Variants in FASTKD5 observed in about 807,000 individuals in gnomAD.
The protein encoded by FASTKD5 is FAST kinase domains 5, also known as non-canonical pre-mRNAs endonuclease FASTKD5, mitochondrial.
FASTKD5 carries 30 observed loss-of-function variants against 44.0 expected under a neutral mutation model. The observed-to-expected ratio is 0.68, with a 90% CI of 0.51 to 0.93. The LOEUF (loss-of-function observed/expected upper bound fraction) is 0.93, where lower values mean the gene tolerates loss of function less well. FASTKD5 is among the 40% of genes least tolerant of loss of function. FASTKD5 has a pLI of 0.00. For missense variants in FASTKD5, 868 were observed against 908.2 expected, an observed-to-expected ratio of 0.96 and a Z score of 0.57; for synonymous variants, 335 against 342.2, an observed-to-expected ratio of 0.98 and a Z score of 0.23.
rs1359067532 is a variant in FASTKD5, at chr20:3,146,983, C to A, written c.2088G>T (p.Lys696Asn). The A allele has an allele frequency of 1.9e-6, 3 of 1,614,188 alleles. No individual in the cohort carries two copies. Among genetic ancestry groups the A allele is most frequent in the African/African-American group, 2.7e-5 (2 of 75,054 alleles). Residue 696 changes from lysine to asparagine, a missense_variant, in exon 2 of 2, where the codon AAG (lysine) becomes AAT (asparagine). Lys to Asn is a moderately conservative substitution (Grantham distance 94). Transcript: ENST00000380266. Reference protein sequence around the residue: ...PAACMQTPRMKLAVQFTNRNQ... With the variant: ...PAACMQTPRMNLAVQFTNRNQ... ...TCCTGTTTGTGAACTGAACAGCCAG[C>A]TTCATTCTTGGGGTCTGCATGCAGG... is the stretch of plus-strand genomic sequence containing the variant.
In FASTKD5 at chr20:3,148,982, T is replaced by TA; in HGVS notation, c.88dup (p.Tyr30LeufsTer19). 1 of 1,614,202 alleles carries TA rather than the reference T, an allele frequency of 6.2e-7. No homozygotes were observed. Among genetic ancestry groups the TA allele is most frequent in the Non-Finnish European group, 8.5e-7 (1 of 1,180,040 alleles). ...ATGCTGTGTGCTGCTCACATTCCAG[T>TA]ATGACACACTTCGGACTGCACCAAA... On this transcript the variant is annotated frameshift_variant, in exon 2 of 2. Coordinates refer to ENST00000380266, the MANE Select transcript of FASTKD5 (RefSeq NM_021826.5). LOFTEE classifies it high-confidence loss of function.
At chr20:3,159,091 G>A (rs1314003276) in intron 1 of FASTKD5, among the ~76,000 whole-genome samples, 1 of 152,168 alleles carries the variant, frequency 6.6e-6, no homozygotes, top group Non-Finnish European at 1.5e-5. Flanking sequence ...AGTCAAGACA[G>A]AAGAGCTGTG....
chr20:3,157,736 T>G (rs918161327), intron 1 of FASTKD5, among the ~76,000 whole-genome samples: 1 of 152,246 alleles, frequency 6.6e-6, no homozygotes, highest in Non-Finnish European at 1.5e-5. Context: ...AGTAGCTGCA[T>G]GCACACAGTC....
At chr20:3,158,911 T>G (rs1479346150) in intron 1 of FASTKD5, among the ~76,000 whole-genome samples, 3 of 152,178 alleles carry the variant, frequency 2.0e-5, no homozygotes, top group African/African-American at 4.8e-5. Context: ...AAACGTGAAT[T>G]CAGATTCCAG....
rs1278921395 is a variant in FASTKD5, at chr20:3,149,919, T to C, written c.-190-659A>G. Among the ~76,000 whole-genome samples the C allele has an allele frequency of 6.6e-6, 1 of 150,956 alleles. No homozygotes were observed. The highest frequency in any genetic ancestry group is 1.5e-5 in the Non-Finnish European group (1 of 67,930). On this transcript the variant is annotated intron_variant, in intron 1 of 1. Transcript: ENST00000380266. This position sits in a 1 kb window ranked among gnomAD's most constrained non-coding sequence, Gnocchi z 4.1. ...CTGTAATCCCAGCTACTCAGGAGGCTGAGGCAGGAGAATCCCTTGAACCCA... is the reference window on the plus strand; with the variant it reads ...CTGTAATCCCAGCTACTCAGGAGGCCGAGGCAGGAGAATCCCTTGAACCCA...
chr20:3,148,284 T>G lies in FASTKD5; in HGVS notation c.787A>C (p.Asn263His), dbSNP rs1035069858. The change falls in exon 2 of 2, where the codon AAC becomes CAC. Residue 263 changes from asparagine to histidine, a missense_variant. Transcript: ENST00000380266. ...YLGRKVPRFL[N>H]IFSSYLNLHW... Reference sequence around the variant, plus strand: ...AAATTAAGATAACTAGAAAAAATGTTTAAAAACCTAGGTACTTTGCGGCCT... The same window carrying G: ...AAATTAAGATAACTAGAAAAAATGTGTAAAAACCTAGGTACTTTGCGGCCT... 2.5e-6 allele frequency: 4 copies of G among 1,611,522 alleles called. No homozygotes were observed. Among genetic ancestry groups the G allele is most frequent in the Non-Finnish European group, 3.4e-6 (4 of 1,179,482 alleles).
Position 3,148,275 on chromosome 20 carries a change from A to G in FASTKD5, c.796T>C (p.Ser266Pro), listed in dbSNP as rs2066589313. 7 of 1,611,410 alleles carry G rather than the reference A, an allele frequency of 4.3e-6. No individual in the cohort carries two copies. Among genetic ancestry groups the G allele is most frequent in the Non-Finnish European group, 4.2e-6 (5 of 1,179,448 alleles). ...TTCCAGTGCAAATTAAGATAACTAG[A>G]AAAAATGTTTAAAAACCTAGGTACT... ...RKVPRFLNIF[S>P]SYLNLHWKDL... Residue 266 changes from serine to proline, a missense_variant, in exon 2 of 2, where the codon TCT (serine) becomes CCT (proline). Physicochemically the swap from Ser to Pro is moderately conservative, Grantham distance 74. Coordinates refer to ENST00000380266, the MANE Select transcript of FASTKD5 (RefSeq NM_021826.5).
intron 1 of FASTKD5, among the ~76,000 whole-genome samples, chr20:3,150,129 T>C (rs1360912053): frequency 2.6e-5 from 4 of 152,328 alleles, no homozygotes; most frequent in Non-Finnish European, 2.9e-5. Flanking sequence ...GTTCTTTTAC[T>C]TTTTAGAAGA....
Position 3,147,463 on chromosome 20 carries a change from G to T in FASTKD5, c.1608C>A (p.His536Gln), listed in dbSNP as rs2066577313. Residue 536 changes from histidine (H) to glutamine (Q), a missense_variant, in exon 2 of 2, where the codon CAC (histidine) becomes CAA (glutamine). Physicochemically the swap from His to Gln is conservative, Grantham distance 24. Coordinates refer to ENST00000380266, the MANE Select transcript of FASTKD5 (RefSeq NM_021826.5). ...PDYRGNRLST[H>Q]LQQEGSELLW... ...GCAATTCAGACCCCTCTTGCTGAAGGTGAGTACTAAGACGATTGCCTCTGT... is the reference window on the plus strand; with the variant it reads ...GCAATTCAGACCCCTCTTGCTGAAGTTGAGTACTAAGACGATTGCCTCTGT... 6.2e-7 allele frequency: 1 copy of T among 1,614,000 alleles called. No individual in the cohort carries two copies. Among genetic ancestry groups the T allele is most frequent in the Admixed American group, 1.7e-5 (1 of 59,980 alleles).
chr20:3,146,847 G>A lies in FASTKD5; in HGVS notation c.2224C>T (p.Pro742Ser), dbSNP rs150186586. Reference protein sequence around the residue: ...VVELSYWEWLPLLKRTRLEKL... With the variant: ...VVELSYWEWLSLLKRTRLEKL... Reference sequence around the variant, plus strand: ...TCTAAGCGAGTTCGTTTCAGTAGTGGGAGCCATTCCCAGTAGGATAACTCT... The same window carrying A: ...TCTAAGCGAGTTCGTTTCAGTAGTGAGAGCCATTCCCAGTAGGATAACTCT... The change falls in exon 2 of 2, where the codon CCA becomes TCA. Residue 742 changes from proline to serine, a missense_variant. Coordinates refer to ENST00000380266, the MANE Select transcript of FASTKD5 (RefSeq NM_021826.5). 123 of 1,614,152 alleles carry A rather than the reference G, an allele frequency of 7.6e-5. No homozygotes were observed. The African/African-American group carries it at 1.5e-3, about 19-fold the overall frequency.
rs759465086 is a variant in FASTKD5 at position 3,149,087 on chromosome 20, A to G, written c.-17T>C. ...AGCTGCCATTCTGGTGTCAGTATTG[A>G]TCTCTTTGGCAGTCAGAATACAGTC... On this transcript the variant is annotated 5_prime_UTR_variant, in exon 2 of 2. Coordinates refer to ENST00000380266, the MANE Select transcript of FASTKD5 (RefSeq NM_021826.5). This position sits in a 1 kb window ranked among gnomAD's most constrained non-coding sequence, Gnocchi z 4.1. 7 of 1,594,946 alleles carry G rather than the reference A, an allele frequency of 4.4e-6. No individual in the cohort carries two copies. Among genetic ancestry groups the G allele is most frequent in the African/African-American group, 1.3e-5 (1 of 74,376 alleles).
Position 3,147,918 on chromosome 20 carries a change from T to C in FASTKD5, c.1153A>G (p.Ile385Val). 6.2e-7 allele frequency: 1 copy of C among 1,614,196 alleles called. No homozygotes were observed. Residue 385 changes from isoleucine to valine, a missense_variant, in exon 2 of 2, where the codon ATT becomes GTT. Ile to Val is a conservative substitution (Grantham distance 29, BLOSUM62 3). Coordinates refer to ENST00000380266, the MANE Select transcript of FASTKD5 (RefSeq NM_021826.5). The part of the protein sequence containing the change: ...KQIGEIAPQR[I>V]PSLGVQGVMH... Reference sequence around the variant, plus strand: ...ACACCTTGAACTCCCAGGGAAGGAATTCGCTGAGGAGCTATCTCTCCAATC... The same window carrying C: ...ACACCTTGAACTCCCAGGGAAGGAACTCGCTGAGGAGCTATCTCTCCAATC...
In FASTKD5 at chr20:3,146,742, A is replaced by G. The variant is rs1172074780; in HGVS notation, c.*34T>C. 6.3e-7 allele frequency: 1 copy of G among 1,594,512 alleles called. No individual in the cohort carries two copies. The highest frequency in any genetic ancestry group is 8.5e-7 in the Non-Finnish European group (1 of 1,170,946). ...GCAACACCTGGTACAGTATACACCT[A>G]TAGCTTTGCCATAGAAATGCCCCTA... On this transcript the variant is annotated 3_prime_UTR_variant, in exon 2 of 2. Transcript: ENST00000380266.
Position 3,147,138 on chromosome 20 carries a change from T to C in FASTKD5, c.1933A>G (p.Lys645Glu). The change falls in exon 2 of 2, where the codon AAA (lysine) becomes GAA (glutamate). Residue 645 changes from lysine (K) to glutamate (E), a missense_variant. Transcript: ENST00000380266. Reference protein sequence around the residue: ...KGKARGHFQGKTESEPGQQPM... With the variant: ...KGKARGHFQGETESEPGQQPM... Reference sequence around the variant, plus strand: ...TGCTGCCCAGGCTCTGACTCAGTTTTGCCCTGGAAATGTCCTCTTGCTTTC... The same window carrying C: ...TGCTGCCCAGGCTCTGACTCAGTTTCGCCCTGGAAATGTCCTCTTGCTTTC... 1 of 1,613,862 alleles carries C rather than the reference T, an allele frequency of 6.2e-7. No homozygotes were observed.
chr20:3,152,100 CAAAAAAAAAAAAA>C (rs60655157), intron 1 of FASTKD5, among the ~76,000 whole-genome samples: 1 of 62,884 alleles, frequency 1.6e-5, no homozygotes, highest in African/African-American at 5.2e-5. Flanking sequence ...GACTCTGTCT[CAAAAAAAAAAAAA>C]AAAAAAAAAG....
In FASTKD5 at chr20:3,149,632, T is replaced by C. The variant is rs1037111368; in HGVS notation, c.-190-372A>G. On this transcript the variant is annotated intron_variant, in intron 1 of 1. Transcript: ENST00000380266. The surrounding 1 kb of genome is among the most constrained non-coding windows in gnomAD (Gnocchi z 4.1). ...AAAGTGAGCAACTCCTTCCATCTCT[T>C]TGATATCAAGGCAAACAGGTCCTAC... Among the ~76,000 whole-genome samples, 7 of 152,204 alleles carry C rather than the reference T, an allele frequency of 4.6e-5. No homozygotes were observed. The highest frequency in any genetic ancestry group is 7.2e-5 in the African/African-American group (3 of 41,444).
chr20:3,146,545 T>C lies in FASTKD5; in HGVS notation c.*231A>G, dbSNP rs1156836233. 6 of 488,690 alleles carry C rather than the reference T, an allele frequency of 1.2e-5. No homozygotes were observed. In the East Asian group the frequency reaches 2.0e-4, roughly 16 times the overall value. The allele number at this position is 488,690 out of a possible 1,614,324, so 30.3% of individuals were successfully genotyped here. ...TACTTGACCGTAGGACATATTAAGA[T>C]GTTTATTATTTACTAAGAGTAACAT... On this transcript the variant is annotated 3_prime_UTR_variant, in exon 2 of 2. Transcript: ENST00000380266.
chr20:3,148,797 G>C lies in FASTKD5; in HGVS notation c.274C>G (p.Gln92Glu). Residue 92 changes from glutamine to glutamate, a missense_variant, in exon 2 of 2, where the codon CAG becomes GAG. Coordinates refer to ENST00000380266, the MANE Select transcript of FASTKD5 (RefSeq NM_021826.5). ...KTSSSKASTLQLGSPRATGVD... is the reference protein window; with the variant it reads ...KTSSSKASTLELGSPRATGVD... Reference sequence around the variant, plus strand: ...CCTGTGGCCCTGGGTGAGCCCAGCTGCAATGTACTGGCCTTAGAGGAAGAA... The same window carrying C: ...CCTGTGGCCCTGGGTGAGCCCAGCTCCAATGTACTGGCCTTAGAGGAAGAA... The C allele has an allele frequency of 6.2e-7, 1 of 1,614,228 alleles. No individual in the cohort carries two copies. Among genetic ancestry groups the C allele is most frequent in the South Asian group, 1.1e-5 (1 of 91,080 alleles).
intron 1 of FASTKD5, chr20:3,156,715 A>G (rs2066690154): frequency 6.6e-6 from 1 of 152,242 alleles, no homozygotes; most frequent in Non-Finnish European, 1.5e-5. Context: ...GTCTGAGCAG[A>G]GCCGAATAGC....
Sources: gnomAD v4.1 joint callset for allele counts (sites outside exome capture counted in the v4.1 genomes callset) on GRCh38, gnomAD v4.1.1 for gene constraint, Gnocchi (gnomAD v3.1) non-coding constraint, MANE v1.5 for transcripts, NCBI Gene and HGNC (gene_info 2026-07-23, HGNC 2026-07-21) for gene names.